Variants in CALCOCO1 observed in about 807,000 individuals in gnomAD.
CALCOCO1 encodes calcium binding and coiled-coil domain 1, also known as calcium-binding and coiled-coil domain-containing protein 1.
CALCOCO1 carries 44 observed loss-of-function variants against 86.3 expected under a neutral mutation model. The observed-to-expected ratio is 0.51, with a 90% CI of 0.40 to 0.66. CALCOCO1 has a LOEUF of 0.66. Among genes scored for constraint, CALCOCO1 ranks in the 30% least tolerant of loss-of-function variants. CALCOCO1 has a pLI of 0.00. For missense variants in CALCOCO1, 708 were observed against 851.1 expected (o/e 0.83, Z 2.09); for synonymous variants, 297 against 327.6 (o/e 0.91, Z 1.01).
At position 53,709,943 on chromosome 12, in the gene CALCOCO1, A is replaced by G. The variant is rs1444654452; in HGVS notation, c.*2001T>C. On this transcript the variant is annotated 3_prime_UTR_variant, in exon 15 of 15. Coordinates refer to ENST00000550804, the MANE Select transcript of CALCOCO1 (RefSeq NM_020898.3). ...CACCTCCTGCTGGGGATGTTGGCTC[A>G]TAATTCCTCTCTGATTAACCCCCAC... is the stretch of plus-strand genomic sequence containing the variant. 6.6e-6 allele frequency: 1 copy of G among 152,152 alleles called. No individual in the cohort carries two copies. Among genetic ancestry groups the G allele is most frequent in the African/African-American group, 2.4e-5 (1 of 41,436 alleles). The allele number at this position is 152,152 out of a possible 1,614,324, so 9.4% of individuals were successfully genotyped here. A position where few individuals can be genotyped will look rare whatever the true frequency, so the allele number is the denominator to read the frequency against.
intron 7 of CALCOCO1, 29 bp downstream of exon 7, chr12:53,719,710 A>C: frequency 6.6e-7 from 1 of 1,520,036 alleles, no homozygotes; most frequent in East Asian, 2.3e-5. Context: ...TGGACAATGG[A>C]GAAAGCAAAT....
intron 8 of CALCOCO1, 61 bp from the exon 9 acceptor site, chr12:53,716,108 G>C: frequency 1.9e-6 from 3 of 1,600,444 alleles, no homozygotes; most frequent in Non-Finnish European, 2.6e-6. Context: ...CAGCCAGGGA[G>C]GTAAACGCTC....
intron 6 of CALCOCO1, 67 bp from the exon 7 acceptor site, chr12:53,719,896 T>G: frequency 1.9e-6 from 2 of 1,068,218 alleles, no homozygotes; most frequent in Non-Finnish European, 2.9e-6. Flanking sequence ...CTCAGGCCTC[T>G]GTCTTGTGCT....
chr12:53,722,937 C>CCT, intron 4 of CALCOCO1: 1 of 353,410 alleles, frequency 2.8e-6, no homozygotes, highest in South Asian at 1.9e-5. Context: ...CAGAGCAAGG[C>CCT]TGTCTCAAAA....
rs753754839 is a variant in CALCOCO1, at chr12:53,715,356, G to A, written c.1261-31C>T. 3.2e-5 allele frequency: 52 copies of A among 1,613,496 alleles called. No homozygotes were observed. The Middle Eastern group carries it at 4.9e-4, about 15-fold the overall frequency. On this transcript the variant is annotated intron_variant, in intron 9 of 14. Transcript: ENST00000550804. The stretch of plus-strand genomic sequence containing the variant: ...AGATAGCCAAGAAGGAAAATGGGAG[G>A]GTGGAGGGGGAAGAAAAAGGAACGC...
intron 4 of CALCOCO1, chr12:53,722,985 C>CA: frequency 2.7e-6 from 1 of 368,474 alleles, no homozygotes; most frequent in Non-Finnish European, 5.3e-6. Flanking sequence ...AAGAAAAACC[C>CA]AAAAAACAAA....
rs1445518404 is a variant in CALCOCO1 at position 53,712,134 on chromosome 12, G to C, written c.1899-13C>G. The C allele has an allele frequency of 6.3e-7, 1 of 1,586,064 alleles. No individual in the cohort carries two copies. The stretch of plus-strand genomic sequence containing the variant: ...CACTGTAAAGCCACTAAGAGAGACA[G>C]AGGGGAAAGGGAGAGGGTCGGCGTG... On this transcript the variant is annotated splice_polypyrimidine_tract_variant and intron_variant, in intron 14 of 14. Coordinates refer to ENST00000550804, the MANE Select transcript of CALCOCO1 (RefSeq NM_020898.3).
Position 53,711,791 on chromosome 12 carries a change from G to T in CALCOCO1, c.*153C>A. On this transcript the variant is annotated 3_prime_UTR_variant, in exon 15 of 15. Coordinates refer to ENST00000550804, the MANE Select transcript of CALCOCO1 (RefSeq NM_020898.3). Reference sequence around the variant, plus strand: ...AGGAGAGGATGAAGTGAGAAATCTTGGGATGAAAACAGGGCACACAGAAGC... The same window carrying T: ...AGGAGAGGATGAAGTGAGAAATCTTTGGATGAAAACAGGGCACACAGAAGC... 1 of 621,242 alleles carries T rather than the reference G, an allele frequency of 1.6e-6. No individual in the cohort carries two copies. The highest frequency in any genetic ancestry group is 2.5e-6 in the Non-Finnish European group (1 of 401,712). The allele number at this position is 621,242 out of a possible 1,614,324, so 38.5% of individuals were successfully genotyped here. A position where few individuals can be genotyped will look rare whatever the true frequency, so the allele number is the denominator to read the frequency against.
chr12:53,712,675 G>A (rs2120537879), intron 14 of CALCOCO1: 1 of 597,366 alleles, frequency 1.7e-6, no homozygotes, highest in Non-Finnish European at 2.4e-6. Flanking sequence ...AAGCATTTCA[G>A]TTGTAGCCAG....
rs1032715700 is a variant in CALCOCO1, at chr12:53,709,597, G to C, written c.*2347C>G. 6 of 152,468 alleles carry C rather than the reference G, an allele frequency of 3.9e-5. No homozygotes were observed. Among genetic ancestry groups the C allele is most frequent in the African/African-American group, 1.4e-4 (6 of 41,440 alleles). 9.4% of individuals were successfully genotyped at this position (152,468 alleles called of 1,614,324 possible). ...CAGTGAAGCAGAACAGGGCTGGAGA[G>C]AAAGGAAGGAGGTGAGAAGGACCCA... On this transcript the variant is annotated 3_prime_UTR_variant, in exon 15 of 15. Transcript: ENST00000550804.
chr12:53,721,897 C>T, intron 5 of CALCOCO1, 128 bp downstream of exon 5: 6 of 1,105,132 alleles, frequency 5.4e-6, no homozygotes, highest in Non-Finnish European at 8.0e-6. Flanking sequence ...CCCCTTAAAC[C>T]TATTTCCTTG....
At chr12:53,716,161 T>A (rs1202367076) in intron 8 of CALCOCO1, 99 bp downstream of exon 8, 1 of 1,582,620 alleles carries the variant, frequency 6.3e-7, no homozygotes. Flanking sequence ...TGTTGTTTAG[T>A]CTTTAGCCAT....
rs1565651595 is a variant in CALCOCO1 at position 53,725,234 on chromosome 12, T to G, written c.9A>C (p.Glu3Asp). 1 of 1,597,878 alleles carries G rather than the reference T, an allele frequency of 6.3e-7. No homozygotes were observed. The highest frequency in any genetic ancestry group is 1.3e-5 in the African/African-American group (1 of 74,294). The change falls in exon 2 of 15, where the codon GAA (glutamate) becomes GAC (aspartate). Residue 3 changes from glutamate (E) to aspartate (D), a missense_variant. By Grantham distance (45) the Glu-to-Asp change is conservative (BLOSUM62 2). Coordinates refer to ENST00000550804, the MANE Select transcript of CALCOCO1 (RefSeq NM_020898.3). ME[E>D]SPLSRAPSRG... ...GGGATGGTGCCCGGCTTAGTGGTGATTCTTCCATCCTGGCCTTGAGATATC... is the reference window on the plus strand; with the variant it reads ...GGGATGGTGCCCGGCTTAGTGGTGAGTCTTCCATCCTGGCCTTGAGATATC...
At chr12:53,720,995 T>C (rs1191450292) in intron 6 of CALCOCO1, among the ~76,000 whole-genome samples, 1 of 152,248 alleles carries the variant, frequency 6.6e-6, no homozygotes, top group Non-Finnish European at 1.5e-5. Context: ...CATACCCTCA[T>C]ACATATCTTA....
chr12:53,721,631 C>T lies in CALCOCO1; in HGVS notation c.610-16G>A, dbSNP rs576955127. Reference sequence around the variant, plus strand: ...GGGAAATCCCCTGAAATTAAGTTTCCCCCAGAAGAAAAGGGAGGTTGGGAC... The same window carrying T: ...GGGAAATCCCCTGAAATTAAGTTTCTCCCAGAAGAAAAGGGAGGTTGGGAC... On this transcript the variant is annotated splice_polypyrimidine_tract_variant and intron_variant, in intron 5 of 14. Coordinates refer to ENST00000550804, the MANE Select transcript of CALCOCO1 (RefSeq NM_020898.3). 60 of 1,613,890 alleles carry T rather than the reference C, an allele frequency of 3.7e-5. 1 individual carries two copies. The South Asian group carries it at 4.5e-4, about 12-fold the overall frequency.
At position 53,715,937 on chromosome 12, in the gene CALCOCO1, G is replaced by A; in HGVS notation, c.1116C>T (p.Ala372=). 6.2e-7 allele frequency: 1 copy of A among 1,614,048 alleles called. No individual in the cohort carries two copies. Among genetic ancestry groups the A allele is most frequent in the African/African-American group, 1.3e-5 (1 of 74,984 alleles). ...LGEELASAAA[A]RDRTIAELHR... is the part of the protein sequence containing the mutation. ...GTAGTTCGGCTATGGTGCGGTCCCTGGCTGCTGCTGCACTGGCCAACTCCT... is the reference window on the plus strand; with the variant it reads ...GTAGTTCGGCTATGGTGCGGTCCCTAGCTGCTGCTGCACTGGCCAACTCCT... The change falls in exon 9 of 15, where the codon GCC becomes GCT. Residue 372 remains alanine (A), a synonymous_variant. Coordinates refer to ENST00000550804, the MANE Select transcript of CALCOCO1 (RefSeq NM_020898.3).
chr12:53,719,723 A>C lies in CALCOCO1; in HGVS notation c.849+16T>G, dbSNP rs370300687. 6 of 1,591,280 alleles carry C rather than the reference A, an allele frequency of 3.8e-6. No homozygotes were observed. The highest frequency in any genetic ancestry group is 5.2e-6 in the Non-Finnish European group (6 of 1,160,638). Reference sequence around the variant, plus strand: ...GCTGGACAATGGAGAAAGCAAATCAACTCTGAGCCCCTTACCTCACTTTGC... The same window carrying C: ...GCTGGACAATGGAGAAAGCAAATCACCTCTGAGCCCCTTACCTCACTTTGC... On this transcript the variant is annotated intron_variant, in intron 7 of 14. Transcript: ENST00000550804.
At chr12:53,715,451 C>T (rs987912274) in intron 9 of CALCOCO1, 126 bp from the exon 10 acceptor site, 10 of 1,287,422 alleles carry the variant, frequency 7.8e-6, no homozygotes, top group Non-Finnish European at 8.6e-6. Flanking sequence ...GAGCACTTTC[C>T]CCTTTTTGCC....
At position 53,723,767 on chromosome 12, in the gene CALCOCO1, T is replaced by C. The variant is rs1285264481; in HGVS notation, c.276A>G (p.Lys92=). 1 of 1,613,010 alleles carries C rather than the reference T, an allele frequency of 6.2e-7. No homozygotes were observed. The highest frequency in any genetic ancestry group is 2.2e-5 in the East Asian group (1 of 44,868). ...GGAACTGGTAGAGCTGAGCTCCTGG[T>C]TTGGGCAGGTAGCTGGCTGTGGGAA... ...SVQFQASYLP[K]PGAQLYQFRY... Residue 92 remains lysine (K), a synonymous_variant, in exon 4 of 15, where the codon AAA becomes AAG. Coordinates refer to ENST00000550804, the MANE Select transcript of CALCOCO1 (RefSeq NM_020898.3).
Sources: allele counts gnomAD v4.1 joint callset (sites outside exome capture counted in the v4.1 genomes callset), GRCh38; gene constraint gnomAD v4.1.1; transcripts MANE v1.5; gene names NCBI Gene and HGNC (gene_info 2026-07-23, HGNC 2026-07-21).